The following ZNF248 variants were observed in gnomAD, a reference collection of about 807,000 sequenced individuals.
The protein encoded by ZNF248 is KRAB protein domain.
Under a neutral mutation model 44.3 loss-of-function variants are expected in ZNF248, and 20 were observed. That is an observed-to-expected ratio of 0.45 (90% CI 0.32 to 0.66). The LOEUF (loss-of-function observed/expected upper bound fraction) is 0.66, where lower values mean the gene tolerates loss of function less well. Ranked by LOEUF, ZNF248 falls within the 30% of genes least tolerant of loss-of-function variation. ZNF248 has a pLI of 0.04. For missense variants in ZNF248, 654 were observed against 677.0 expected (o/e 0.97, Z 0.38); for synonymous variants, 224 against 229.0 (o/e 0.98, Z 0.20).
chr10:37,819,606 C>T (rs2053126421), intron 6 of ZNF248: 11 of 844,306 alleles, frequency 1.3e-5, no homozygotes, highest in East Asian at 4.8e-5. Flanking sequence ...TTTAGTTCCC[C>T]GATACGTAGA....
In ZNF248 at chr10:37,829,172, T is replaced by C. The variant is rs1170016388; in HGVS notation, c.*2443A>G. On this transcript the variant is annotated 3_prime_UTR_variant, in exon 6 of 6. Coordinates refer to ENST00000395867, the MANE Select transcript of ZNF248 (RefSeq NM_021045.3). ...CACCAGCAATTTGGCACCACAGTTC[T>C]GGTAGTAATGATGTCTCTTACAAGG... is the stretch of plus-strand genomic sequence containing the variant. 1 of 985,360 alleles carries C rather than the reference T, an allele frequency of 1.0e-6. No homozygotes were observed. The highest frequency in any genetic ancestry group is 1.2e-6 in the Non-Finnish European group (1 of 829,972). 61.0% of individuals were successfully genotyped at this position (985,360 alleles called of 1,614,324 possible). A position where few individuals can be genotyped will look rare whatever the true frequency, so the allele number is the denominator to read the frequency against.
chr10:37,812,403 T>C (rs1342157184), intron 6 of ZNF248, among the ~76,000 whole-genome samples: 1 of 152,096 alleles, frequency 6.6e-6, no homozygotes, highest in Non-Finnish European at 1.5e-5. Flanking sequence ...AAAGGCTAAC[T>C]CTACTTTAGT....
intron 6 of ZNF248, among the ~76,000 whole-genome samples, chr10:37,812,082 C>T (rs958241941): frequency 7.9e-5 from 12 of 151,826 alleles, no homozygotes; most frequent in African/African-American, 2.7e-4. Flanking sequence ...CTAAAAAATA[C>T]AAAAATTAGC....
chr10:37,770,343 C>T, the ZNF248 span, among the ~76,000 whole-genome samples: 4 of 152,086 alleles, frequency 2.6e-5, no homozygotes, highest in Non-Finnish European at 4.4e-5. Context: ...AGAACAAAGC[C>T]AGAGGCATTA....
intron 3 of ZNF248, among the ~76,000 whole-genome samples, chr10:37,855,412 TG>T (rs1379671020): frequency 6.6e-6 from 1 of 151,888 alleles, no homozygotes; most frequent in Non-Finnish European, 1.5e-5. Context: ...ATTACATTAA[TG>T]TATTATTAAT....
At chr10:37,771,281 C>T in the ZNF248 span, among the ~76,000 whole-genome samples, 1 of 152,094 alleles carries the variant, frequency 6.6e-6, no homozygotes, top group Non-Finnish European at 1.5e-5. Flanking sequence ...GGTGTATACC[C>T]AAAGGACTAT....
At chr10:37,819,396 TGTG>T in intron 6 of ZNF248, 2 of 1,465,760 alleles carry the variant, frequency 1.4e-6, no homozygotes, top group Non-Finnish European at 1.9e-6. Flanking sequence ...CATGCATGCT[TGTG>T]GTAATTCTCC....
At chr10:37,772,699 CT>C (rs1427889554), downstream of ZNF248, among the ~76,000 whole-genome samples, 6 of 152,172 alleles carry the variant, frequency 3.9e-5, no homozygotes, top group African/African-American at 7.2e-5. Context: ...TGGAGAATCC[CT>C]TTAGTCACGT....
At chr10:37,844,737 A>T (rs1209444171) in intron 3 of ZNF248, among the ~76,000 whole-genome samples, 1 of 152,186 alleles carries the variant, frequency 6.6e-6, no homozygotes, top group Non-Finnish European at 1.5e-5. Flanking sequence ...TAAAAAATAC[A>T]GGAAAGGAAA....
chr10:37,832,982 A>T lies in ZNF248; in HGVS notation c.373T>A (p.Leu125Met). 6.2e-7 allele frequency: 1 copy of T among 1,613,760 alleles called. No individual in the cohort carries two copies. Among genetic ancestry groups the T allele is most frequent in the Non-Finnish European group, 8.5e-7 (1 of 1,179,798 alleles). The change falls in exon 6 of 6, where the codon TTG (leucine) becomes ATG (methionine). Residue 125 changes from leucine (L) to methionine (M), a missense_variant. By Grantham distance (15) the Leu-to-Met change is conservative. Transcript: ENST00000395867. ...CTTAAAGAAACAGGGTCTGTGCCCA[A>T]ATTGAAAGTTTTGCTTCCTCTATCT... The part of the protein sequence containing the change: ...NGDRGSKTFN[L>M]GTDPVSLRNY...
rs183243071 is a variant in ZNF248, at chr10:37,844,669, T to G, written c.16-6558A>C. Among the ~76,000 whole-genome samples the G allele has an allele frequency of 2.0e-5, 3 of 152,286 alleles. No individual in the cohort carries two copies. In the East Asian group the frequency reaches 5.8e-4, roughly 29 times the overall value. On this transcript the variant is annotated intron_variant, in intron 3 of 5. Coordinates refer to ENST00000395867, the MANE Select transcript of ZNF248 (RefSeq NM_021045.3). Reference sequence around the variant, plus strand: ...GACAAAACTGGTATTTAAACTAGATTGTTATAAATGTGGAATGTTCATTGT... The same window carrying G: ...GACAAAACTGGTATTTAAACTAGATGGTTATAAATGTGGAATGTTCATTGT...
chr10:37,836,067 T>C (rs1055317922), intron 5 of ZNF248, among the ~76,000 whole-genome samples: 7 of 152,148 alleles, frequency 4.6e-5, no homozygotes, highest in Non-Finnish European at 8.8e-5. Context: ...GGGATCACAC[T>C]TGATTCTCCC....
In ZNF248 at chr10:37,830,312, A is replaced by G. The variant is rs1222397591; in HGVS notation, c.*1303T>C. ...ACTGTTTAACTTCTTTACTGAAGTG[A>G]TAGTTCAATAATGGCCATATTCATG... On this transcript the variant is annotated 3_prime_UTR_variant, in exon 6 of 6. Transcript: ENST00000395867. 1 of 985,278 alleles carries G rather than the reference A, an allele frequency of 1.0e-6. No homozygotes were observed. Among genetic ancestry groups the G allele is most frequent in the East Asian group, 1.1e-4 (1 of 8,816 alleles). 61.0% of individuals were successfully genotyped at this position (985,278 alleles called of 1,614,324 possible). A position where few individuals can be genotyped will look rare whatever the true frequency, so the allele number is the denominator to read the frequency against.
chr10:37,766,826 G>A, the ZNF248 span, among the ~76,000 whole-genome samples: 9 of 151,574 alleles, frequency 5.9e-5, no homozygotes, highest in African/African-American at 2.0e-4. Context: ...AAATTACTCC[G>A]AGCTACAGGA....
intron 6 of ZNF248, among the ~76,000 whole-genome samples, chr10:37,787,565 A>G (rs188569325): frequency 6.6e-6 from 1 of 152,060 alleles, no homozygotes; most frequent in East Asian, 1.9e-4. Flanking sequence ...GTGCCAAGAT[A>G]CTTCAAGAGG....
chr10:37,818,782 G>C, intron 6 of ZNF248: 2 of 792,836 alleles, frequency 2.5e-6, no homozygotes, highest in Non-Finnish European at 2.1e-6. Context: ...AAACGCCTTT[G>C]CTTCAGGTGT....
chr10:37,768,483 A>G, the ZNF248 span, among the ~76,000 whole-genome samples: 1 of 152,216 alleles, frequency 6.6e-6, no homozygotes, highest in Non-Finnish European at 1.5e-5. Flanking sequence ...AAAATCGCTC[A>G]ACTACATGGA....
chr10:37,773,398 G>A (rs2046347093), downstream of ZNF248, among the ~76,000 whole-genome samples: 1 of 152,206 alleles, frequency 6.6e-6, no homozygotes, highest in Non-Finnish European at 1.5e-5. Context: ...GAAAGTAAGT[G>A]TTGGTGAAGA....
At chr10:37,786,734 G>T (rs942681459) in intron 6 of ZNF248, among the ~76,000 whole-genome samples, 2 of 152,010 alleles carry the variant, frequency 1.3e-5, no homozygotes, top group Admixed American at 1.3e-4. Flanking sequence ...ATTTTGTAGG[G>T]TTAATAATTG....
Sources: gnomAD v4.1 joint callset for allele counts (sites outside exome capture counted in the v4.1 genomes callset) on GRCh38, gnomAD v4.1.1 for gene constraint, MANE v1.5 for transcripts, NCBI Gene and HGNC (gene_info 2026-07-23, HGNC 2026-07-21) for gene names.